The following CPED1 variants were observed in gnomAD, a reference collection of about 807,000 sequenced individuals.
The protein encoded by CPED1 is cadherin-like and PC-esterase domain-containing protein 1.
Under a neutral mutation model 128.2 loss-of-function variants are expected in CPED1, and 114 were observed. The observed-to-expected ratio is 0.89, with a 90% CI of 0.76 to 1.04. The LOEUF (loss-of-function observed/expected upper bound fraction) is 1.04. Ranked by LOEUF, CPED1 falls within the 50% of genes least tolerant of loss-of-function variation. The pLI is 0.00. For missense variants in CPED1, 1,211 were observed against 1,207.1 expected, an observed-to-expected ratio of 1.00 and a Z score of -0.05; for synonymous variants, 462 against 426.7, an observed-to-expected ratio of 1.08 and a Z score of -1.02.
At chr7:121,064,367 T>G (rs964486695) in intron 5 of CPED1, 54 bp downstream of exon 5, 6 of 1,258,770 alleles carry the variant, frequency 4.8e-6, no homozygotes, top group Non-Finnish European at 7.0e-6. Flanking sequence ...GCAGGCTCCC[T>G]TAGCAGAAGC....
intron 3 of CPED1, among the ~76,000 whole-genome samples, chr7:121,039,405 T>C (rs776431097): frequency 2.0e-5 from 3 of 151,716 alleles, no homozygotes. Flanking sequence ...GCTTATCTTG[T>C]GTATTTCCTG....
chr7:121,008,016 C>A (rs1039071124), intron 2 of CPED1, among the ~76,000 whole-genome samples: 2 of 151,726 alleles, frequency 1.3e-5, no homozygotes, highest in Middle Eastern at 6.8e-3. Flanking sequence ...TTTTTAACCT[C>A]TTTTCTGCAA....
chr7:121,272,087 A>G (rs1368647958), intron 22 of CPED1, among the ~76,000 whole-genome samples: 2 of 152,210 alleles, frequency 1.3e-5, no homozygotes, highest in South Asian at 2.1e-4. Flanking sequence ...AAGGTCTCCA[A>G]TCACCTTCAG....
At chr7:121,235,185 T>C (rs974612221) in intron 16 of CPED1, among the ~76,000 whole-genome samples, 1 of 152,138 alleles carries the variant, frequency 6.6e-6, no homozygotes, top group Non-Finnish European at 1.5e-5. Context: ...GTTGGATAGA[T>C]ATCACACACA....
intron 14 of CPED1, among the ~76,000 whole-genome samples, chr7:121,138,349 A>C (rs566249043): frequency 1.3e-5 from 2 of 152,066 alleles, no homozygotes; most frequent in Non-Finnish European, 2.9e-5. Flanking sequence ...GATCTCAGGT[A>C]AGCTGGCCTG....
intron 4 of CPED1, among the ~76,000 whole-genome samples, chr7:121,048,652 G>T (rs992316810): frequency 4.6e-5 from 7 of 152,034 alleles, no homozygotes; most frequent in African/African-American, 1.7e-4. Flanking sequence ...CAATTATTGG[G>T]CCTCAGCCAC....
At chr7:121,034,942 G>A (rs1792847637) in intron 3 of CPED1, among the ~76,000 whole-genome samples, 1 of 152,150 alleles carries the variant, frequency 6.6e-6, no homozygotes, top group African/African-American at 2.4e-5. Flanking sequence ...AAAAGGAAAT[G>A]GGCAATTCTG....
At chr7:121,189,760 TTATATATATATATATATA>T (rs377035175) in intron 16 of CPED1, among the ~76,000 whole-genome samples, 1,491 of 47,478 alleles carry the variant, frequency 0.031, 110 homozygotes, top group African/African-American at 0.1. Flanking sequence ...TTATGAGGTT[TTATATATATATATATATA>T]TATATATATA....
At chr7:121,208,812 C>A (rs964618861) in intron 16 of CPED1, among the ~76,000 whole-genome samples, 1 of 151,986 alleles carries the variant, frequency 6.6e-6, no homozygotes, top group Non-Finnish European at 1.5e-5. Context: ...GCATCTGATG[C>A]AGCATGTAAA....
chr7:121,085,799 A>C (rs1254233233), intron 5 of CPED1, among the ~76,000 whole-genome samples: 1 of 152,218 alleles, frequency 6.6e-6, no homozygotes, highest in African/African-American at 2.4e-5. Flanking sequence ...GTTTAAAAGA[A>C]CAACAACAAA....
chr7:121,110,781 C>G (rs1196313899), intron 7 of CPED1, among the ~76,000 whole-genome samples: 1 of 152,066 alleles, frequency 6.6e-6, no homozygotes, highest in Non-Finnish European at 1.5e-5. Flanking sequence ...CTTTTTAAGC[C>G]CATTCTGCTG....
At chr7:121,078,401 T>C (rs1454475687) in intron 5 of CPED1, among the ~76,000 whole-genome samples, 2 of 150,898 alleles carry the variant, frequency 1.3e-5, no homozygotes, top group African/African-American at 2.4e-5. Context: ...TTCTTAGTTT[T>C]GAAGTAAACG....
intron 4 of CPED1, among the ~76,000 whole-genome samples, chr7:121,050,175 A>G (rs557093354): frequency 1.3e-5 from 2 of 152,294 alleles, no homozygotes; most frequent in South Asian, 4.1e-4. Flanking sequence ...CTTGTCATTT[A>G]CAATTGCAAA....
chr7:121,006,961 A>T (rs1198782544), intron 2 of CPED1, among the ~76,000 whole-genome samples: 5 of 152,276 alleles, frequency 3.3e-5, no homozygotes, highest in African/African-American at 1.2e-4. Flanking sequence ...ACGAATGAGC[A>T]TTCCAGGGGA....
intron 5 of CPED1, among the ~76,000 whole-genome samples, chr7:121,094,301 A>G (rs1408991109): frequency 1.3e-5 from 2 of 152,192 alleles, no homozygotes; most frequent in Non-Finnish European, 2.9e-5. Flanking sequence ...TTTTATTATT[A>G]CTTCCCTATT....
intron 4 of CPED1, among the ~76,000 whole-genome samples, chr7:121,057,171 G>A (rs1793521035): frequency 6.6e-6 from 1 of 152,046 alleles, no homozygotes; most frequent in Non-Finnish European, 1.5e-5. Context: ...GTAGAGATGA[G>A]GTTTCATCAT....
At chr7:121,122,584 G>T (rs895559854) in intron 7 of CPED1, among the ~76,000 whole-genome samples, 5 of 152,126 alleles carry the variant, frequency 3.3e-5, no homozygotes, top group African/African-American at 1.2e-4. Context: ...ATCCCACAAA[G>T]TCTCACAACT....
chr7:121,261,077 C>T (rs546835205), intron 18 of CPED1, among the ~76,000 whole-genome samples: 1 of 151,976 alleles, frequency 6.6e-6, no homozygotes, highest in East Asian at 1.9e-4. Flanking sequence ...TTAACTATGT[C>T]CTGGTTACTT....
At chr7:121,088,444 T>C (rs1265165562) in intron 5 of CPED1, among the ~76,000 whole-genome samples, 2 of 151,988 alleles carry the variant, frequency 1.3e-5, no homozygotes, top group East Asian at 2.0e-4. Context: ...CAGATCACGA[T>C]GTCAAGAGTT....
Sources: allele counts gnomAD v4.1 joint callset (sites outside exome capture counted in the v4.1 genomes callset), GRCh38; gene constraint gnomAD v4.1.1; transcripts MANE v1.5; gene names NCBI Gene and HGNC (gene_info 2026-07-23, HGNC 2026-07-21).